The following SNX8 variants were observed in gnomAD, a reference collection of about 807,000 sequenced individuals.
SNX8 encodes the protein sorting nexin 8.
A neutral mutation model predicts 51.6 loss-of-function variants in SNX8; 25 were observed. That is an observed-to-expected ratio of 0.48 (90% CI 0.35 to 0.68). The LOEUF (loss-of-function observed/expected upper bound fraction) is 0.68. Ranked by LOEUF, SNX8 falls within the 30% of genes least tolerant of loss-of-function variation. The probability of loss-of-function intolerance (pLI) is 0.00; values close to 1 mark genes in which losing one functional copy is unlikely to be tolerated. For missense variants in SNX8, 695 were observed against 624.0 expected (o/e 1.11, Z -1.21); for synonymous variants, 324 against 277.0 (o/e 1.17, Z -1.68).
intron 1 of SNX8, among the ~76,000 whole-genome samples, chr7:2,302,926 T>A (rs1796437477): frequency 6.8e-6 from 1 of 146,000 alleles, no homozygotes; most frequent in South Asian, 2.2e-4. Flanking sequence ...GTCTGAGAAG[T>A]GAGGAGCCTC....
At chr7:2,308,780 ATTTTTT>A (rs755533735) in intron 1 of SNX8, among the ~76,000 whole-genome samples, 1 of 136,046 alleles carries the variant, frequency 7.4e-6, no homozygotes, top group African/African-American at 2.9e-5. Context: ...AAATGAACAA[ATTTTTT>A]TTTTTTTTTT....
At chr7:2,256,460 T>G (rs1344303621) in intron 10 of SNX8, among the ~76,000 whole-genome samples, 1 of 152,210 alleles carries the variant, frequency 6.6e-6, no homozygotes, top group South Asian at 2.1e-4. Flanking sequence ...GAGCGTTTCT[T>G]CTCCCAGGCT....
intron 1 of SNX8, among the ~76,000 whole-genome samples, chr7:2,320,563 T>A (rs895749633): frequency 6.6e-6 from 1 of 151,650 alleles, no homozygotes; most frequent in Non-Finnish European, 1.5e-5. Flanking sequence ...CTACAAAAAA[T>A]ACAAACAAAA....
chr7:2,295,766 G>A lies in SNX8; in HGVS notation c.95-17461C>T, dbSNP rs117552071. On this transcript the variant is annotated intron_variant, in intron 1 of 10. Coordinates refer to ENST00000222990, the MANE Select transcript of SNX8 (RefSeq NM_013321.4). ...TCTTGAGTTGATTTTTGCATATGGT[G>A]AGAGCGAGCGACCCAGTTTCATTCT... Among the ~76,000 whole-genome samples, 48 of 152,246 alleles carry A rather than the reference G, an allele frequency of 3.2e-4. No homozygotes were observed. The East Asian group carries it at 8.9e-3, about 28-fold the overall frequency.
intron 1 of SNX8, among the ~76,000 whole-genome samples, chr7:2,302,235 T>A (rs1304302774): frequency 6.6e-6 from 1 of 152,228 alleles, no homozygotes; most frequent in African/African-American, 2.4e-5. Flanking sequence ...GCCGAGTGCC[T>A]GCGATTGCAG....
chr7:2,346,402 C>T (rs2115249835), intron 1 of SNX8, among the ~76,000 whole-genome samples: 1 of 151,694 alleles, frequency 6.6e-6, no homozygotes, highest in Non-Finnish European at 1.5e-5. Flanking sequence ...GCTGTGATTT[C>T]ACCACTGCAC....
At position 2,349,221 on chromosome 7, in the gene SNX8, A is replaced by G. The variant is rs572176293; in HGVS notation, c.-66+5001T>C. On this transcript the variant is annotated intron_variant, in intron 1 of 5. Coordinates refer to the SNX8 transcript ENST00000435336. ...TCCGTCTCAAAAACAAAAAAAAAAA[A>G]AGTAAAAAAAATGCGTAATATTATA... 3.3e-5 allele frequency among the ~76,000 whole-genome samples: 5 copies of G among 151,612 alleles called. No homozygotes were observed. In the East Asian group the frequency reaches 9.7e-4, roughly 29 times the overall value.
upstream of SNX8, among the ~76,000 whole-genome samples, chr7:2,318,023 C>T (rs1236260970): frequency 1.3e-5 from 2 of 152,108 alleles, no homozygotes; most frequent in African/African-American, 2.4e-5. Flanking sequence ...GTGCCACGCA[C>T]ACATATATAC....
In SNX8 at chr7:2,347,500, G is replaced by GAAA. The variant is rs149332685; in HGVS notation, c.-66+6719_-66+6721dup. ...TGTCTCAAAAAAAAAAAAAAAAAAAGAAAAAAAAAAGAGCCTTTGGCTGAA... is the reference window on the plus strand; with the variant it reads ...TGTCTCAAAAAAAAAAAAAAAAAAAGAAAAAAAAAAAAAGAGCCTTTGGCTGAA... On this transcript the variant is annotated intron_variant, in intron 1 of 5. Coordinates refer to the SNX8 transcript ENST00000435336. Among the ~76,000 whole-genome samples, 1,048 of 125,302 alleles carry GAAA rather than the reference G, an allele frequency of 8.4e-3. 13 individuals are homozygous for GAAA. Among genetic ancestry groups the GAAA allele is most frequent in the African/African-American group, 0.031 (1,000 of 32,752 alleles). The allele number at this position is 125,302 out of a possible 152,430, so 82.2% of individuals were successfully genotyped here. A position where few individuals can be genotyped will look rare whatever the true frequency, so the allele number is the denominator to read the frequency against.
In SNX8 at chr7:2,293,456, C is replaced by T. The variant is rs563937252; in HGVS notation, c.95-15151G>A. 7.9e-5 allele frequency among the ~76,000 whole-genome samples: 12 copies of T among 151,384 alleles called. No homozygotes were observed. The South Asian group carries it at 2.5e-3, about 32-fold the overall frequency. Reference sequence around the variant, plus strand: ...GGATCATGAGGTCAGGAGATCGAGACCACCCTGGCCAACATGGTGAAACCC... The same window carrying T: ...GGATCATGAGGTCAGGAGATCGAGATCACCCTGGCCAACATGGTGAAACCC... On this transcript the variant is annotated intron_variant, in intron 1 of 10. Transcript: ENST00000222990.
At chr7:2,339,881 C>T (rs1004003562) in intron 1 of SNX8, among the ~76,000 whole-genome samples, 10 of 151,982 alleles carry the variant, frequency 6.6e-5, no homozygotes, top group East Asian at 1.9e-4. Context: ...ATTTTCTGCA[C>T]GTGGTAGATA....
intron 5 of SNX8, 131 bp downstream of exon 5, chr7:2,269,428 G>T (rs1795585870): frequency 2.2e-6 from 1 of 450,872 alleles, no homozygotes; most frequent in African/African-American, 2.1e-5. Flanking sequence ...TTGTTCACTT[G>T]TTTATCTGCT....
intron 1 of SNX8, chr7:2,309,694 G>A (rs1034547323): frequency 1.3e-4 from 54 of 429,542 alleles, no homozygotes; most frequent in South Asian, 8.2e-4. Context: ...TCGCGCCATC[G>A]CACTCCAGCC....
intron 2 of SNX8, 45 bp from the exon 3 acceptor site, chr7:2,275,274 G>T: frequency 2.3e-6 from 3 of 1,332,958 alleles, no homozygotes; most frequent in Non-Finnish European, 2.2e-6. Flanking sequence ...TGGAAACTAT[G>T]CTGTCGCGTC....
intron 1 of SNX8, among the ~76,000 whole-genome samples, chr7:2,301,054 C>A (rs1562446665): frequency 6.6e-6 from 1 of 152,214 alleles, no homozygotes. Flanking sequence ...TTCATTACGT[C>A]CTGTTTCCTA....
At chr7:2,293,462 T>C (rs1796199361) in intron 1 of SNX8, among the ~76,000 whole-genome samples, 1 of 151,330 alleles carries the variant, frequency 6.6e-6, no homozygotes, top group Non-Finnish European at 1.5e-5. Flanking sequence ...GAGACCACCC[T>C]GGCCAACATG....
chr7:2,351,690 G>A (rs1562467111), intron 1 of SNX8, among the ~76,000 whole-genome samples: 1 of 151,672 alleles, frequency 6.6e-6, no homozygotes, highest in African/African-American at 2.4e-5. Flanking sequence ...AATTAGCCGG[G>A]TGTGGTGGCA....
intron 3 of SNX8, 139 bp from the exon 4 acceptor site, chr7:2,272,110 G>T: frequency 8.3e-7 from 1 of 1,208,360 alleles, no homozygotes; most frequent in Non-Finnish European, 1.1e-6. Flanking sequence ...GGCCCCCAGT[G>T]CTGCTCAGAC....
chr7:2,326,156 G>A (rs1347914453), intron 1 of SNX8, among the ~76,000 whole-genome samples: 1 of 151,912 alleles, frequency 6.6e-6, no homozygotes, highest in African/African-American at 2.4e-5. Flanking sequence ...AGGAATTCAG[G>A]AGTTCAAGAC....
Sources: gnomAD v4.1 joint callset for allele counts (sites outside exome capture counted in the v4.1 genomes callset) on GRCh38, gnomAD v4.1.1 for gene constraint, MANE v1.5 for transcripts, NCBI Gene and HGNC (gene_info 2026-07-23, HGNC 2026-07-21) for gene names.